Variants in GBF1 observed in about 807,000 individuals in gnomAD.
GBF1 encodes golgi brefeldin A resistant guanine nucleotide exchange factor 1, also known as Golgi-specific brefeldin A-resistance guanine nucleotide exchange factor 1.
In GBF1, 114 loss-of-function variants were observed where a neutral mutation model predicts 210.5. The ratio of observed to expected loss-of-function variants is 0.54; its 90% CI spans 0.47 to 0.63. The LOEUF is 0.63. Ranked by LOEUF, GBF1 falls within the 30% of genes least tolerant of loss-of-function variation. The probability of loss-of-function intolerance (pLI) is 0.00; values close to 1 mark genes in which losing one functional copy is unlikely to be tolerated. For missense variants in GBF1, 1,851 were observed against 2,357.7 expected, an observed-to-expected ratio of 0.79 and a Z score of 4.45; for synonymous variants, 850 against 889.2, an observed-to-expected ratio of 0.96 and a Z score of 0.78.
In GBF1 at chr10:102,361,734, T is replaced by A; in HGVS notation, c.1508T>A (p.Leu503His). Reference sequence around the variant, plus strand: ...TATTGCCAGATGTACATCAAAAAGCTTATGGAGATCATCACTGTGGAGAAC... The same window carrying A: ...TATTGCCAGATGTACATCAAAAAGCATATGGAGATCATCACTGTGGAGAAC... ...KFQMEMYIKKLMEIITVENPK... is the reference protein window; with the variant it reads ...KFQMEMYIKKHMEIITVENPK... Residue 503 changes from leucine to histidine, a missense_variant, in exon 14 of 40, where the codon CTT (leucine) becomes CAT (histidine). Physicochemically the swap from Leu to His is moderately conservative, Grantham distance 99. Transcript: ENST00000369983. The A allele has an allele frequency of 1.3e-6, 2 of 1,596,968 alleles. No homozygotes were observed. The highest frequency in any genetic ancestry group is 8.5e-7 in the Non-Finnish European group (1 of 1,171,980).
At position 102,256,834 on chromosome 10, in the gene GBF1, T is replaced by C. The variant is rs188601497; in HGVS notation, c.-10-2095T>C. ...ACCTTCTTGTAAAAAGTTAAAATAT[T>C]ACAGATCCAGCCTGGGCAACAAAGT... is the stretch of plus-strand genomic sequence containing the variant. On this transcript the variant is annotated intron_variant, in intron 1 of 39. Coordinates refer to ENST00000369983, the MANE Select transcript of GBF1 (RefSeq NM_001377137.1). 2.8e-4 allele frequency among the ~76,000 whole-genome samples: 42 copies of C among 152,214 alleles called. No homozygotes were observed. The East Asian group carries it at 7.7e-3, about 28-fold the overall frequency.
intron 4 of GBF1, 53 bp from the exon 5 acceptor site, chr10:102,351,202 CT>C: frequency 2.0e-6 from 2 of 1,020,258 alleles, no homozygotes; most frequent in Admixed American, 1.7e-5. Context: ...GCTGCCTTAC[CT>C]TTTATCTCTC....
intron 3 of GBF1, among the ~76,000 whole-genome samples, chr10:102,295,703 A>T (rs2076854856): frequency 6.6e-6 from 1 of 152,106 alleles, no homozygotes; most frequent in African/African-American, 2.4e-5. Context: ...AATTTTGAAA[A>T]TTTTCATAAG....
chr10:102,361,306 A>C (rs914301660), intron 13 of GBF1, 186 bp downstream of exon 13: 24 of 577,868 alleles, frequency 4.2e-5, no homozygotes, highest in Non-Finnish European at 6.2e-5. Flanking sequence ...AAAGGAGACC[A>C]AAGGAAACTG....
intron 1 of GBF1, among the ~76,000 whole-genome samples, chr10:102,250,880 C>G (rs113189494): frequency 0.045 from 6,847 of 152,040 alleles, 223 homozygotes; most frequent in Admixed American, 0.073. Flanking sequence ...TCACTTGAAC[C>G]CTGGAGGTGG....
intron 3 of GBF1, among the ~76,000 whole-genome samples, chr10:102,329,944 A>C (rs1160877737): frequency 6.6e-6 from 1 of 152,174 alleles, no homozygotes; most frequent in African/African-American, 2.4e-5. Context: ...CCCCCTATCT[A>C]CAAAAAATTT....
At chr10:102,368,663 A>G in intron 22 of GBF1, 76 bp from the exon 23 acceptor site, 1 of 1,032,634 alleles carries the variant, frequency 9.7e-7, no homozygotes, top group Admixed American at 1.7e-5. Flanking sequence ...GAAGAGCCCC[A>G]TGCAAGCTCA....
At chr10:102,297,042 C>CAA (rs1291353636) in intron 3 of GBF1, among the ~76,000 whole-genome samples, 3 of 94,732 alleles carry the variant, frequency 3.2e-5, no homozygotes, top group Admixed American at 1.2e-4. Flanking sequence ...GAGACTGTCT[C>CAA]AAAAAAAAAA....
intron 3 of GBF1, among the ~76,000 whole-genome samples, chr10:102,325,752 C>T (rs1048745754): frequency 2.6e-5 from 4 of 151,812 alleles, no homozygotes; most frequent in Non-Finnish European, 4.4e-5. Flanking sequence ...TGAGTTCAAG[C>T]GATTCTCGTG....
At chr10:102,309,969 G>A (rs1274969956) in intron 3 of GBF1, among the ~76,000 whole-genome samples, 1 of 152,138 alleles carries the variant, frequency 6.6e-6, no homozygotes, top group Non-Finnish European at 1.5e-5. Flanking sequence ...GTATAATTTA[G>A]GGAAAATACA....
At chr10:102,231,938 C>A in the GBF1 span, 3 of 1,586,344 alleles carry the variant, frequency 1.9e-6, no homozygotes, top group South Asian at 3.3e-5. Context: ...TTATGTCCTG[C>A]ACCCCCGGAA....
At chr10:102,313,177 G>A (rs1265479080) in intron 3 of GBF1, among the ~76,000 whole-genome samples, 1 of 152,202 alleles carries the variant, frequency 6.6e-6, no homozygotes, top group African/African-American at 2.4e-5. Context: ...TTTGTGACTT[G>A]AAAGCACGTT....
At chr10:102,244,025 G>A (rs897983423), upstream of GBF1, among the ~76,000 whole-genome samples, 1 of 152,198 alleles carries the variant, frequency 6.6e-6, no homozygotes, top group Non-Finnish European at 1.5e-5. Flanking sequence ...AGCTACTTGG[G>A]AGGCTGAGGC....
At chr10:102,236,115 C>T in the GBF1 span, among the ~76,000 whole-genome samples, 6 of 152,178 alleles carry the variant, frequency 3.9e-5, no homozygotes, top group Admixed American at 1.3e-4. Context: ...AGCCGACTCA[C>T]GTCCGGGTGG....
At chr10:102,317,571 T>C (rs2055928651) in intron 3 of GBF1, among the ~76,000 whole-genome samples, 1 of 151,992 alleles carries the variant, frequency 6.6e-6, no homozygotes, top group Admixed American at 6.6e-5. Flanking sequence ...GTGGCCAAAA[T>C]CACGTCATTG....
rs530967398 is a variant in GBF1, at chr10:102,345,424, G to A, written c.295+1242G>A. On this transcript the variant is annotated intron_variant, in intron 4 of 39. Coordinates refer to ENST00000369983, the MANE Select transcript of GBF1 (RefSeq NM_001377137.1). ...TCCCAGCACTTTTTGAGGCCGAGGC[G>A]GACGGATCATGAGGTCAGGAGTTTG... Among the ~76,000 whole-genome samples, 621 of 151,018 alleles carry A rather than the reference G, an allele frequency of 4.1e-3. 4 individuals are homozygous for A. Among genetic ancestry groups the A allele is most frequent in the African/African-American group, 0.014 (596 of 41,164 alleles).
intron 1 of GBF1, among the ~76,000 whole-genome samples, chr10:102,250,264 C>T (rs1484792274): frequency 1.3e-5 from 2 of 150,872 alleles, no homozygotes; most frequent in South Asian, 2.1e-4. Context: ...TGTGAGATCT[C>T]GGCTCACTGC....
At chr10:102,268,147 G>C (rs2074049174) in intron 3 of GBF1, among the ~76,000 whole-genome samples, 1 of 152,208 alleles carries the variant, frequency 6.6e-6, no homozygotes, top group African/African-American at 2.4e-5. Context: ...AAACCAAGAA[G>C]TTCTTCCAAA....
chr10:102,368,580 G>A (rs1195237474), intron 22 of GBF1, 126 bp downstream of exon 22: 1 of 815,824 alleles, frequency 1.2e-6, no homozygotes, highest in Non-Finnish European at 2.0e-6. Context: ...TTTTTGGAGG[G>A]AGGCTGAAGC....
Sources: gnomAD v4.1 joint callset for allele counts (sites outside exome capture counted in the v4.1 genomes callset) on GRCh38, gnomAD v4.1.1 for gene constraint, MANE v1.5 for transcripts, NCBI Gene and HGNC (gene_info 2026-07-23, HGNC 2026-07-21) for gene names.